The following LAMA4 variants were observed in gnomAD, a reference collection of about 807,000 sequenced individuals.
LAMA4 encodes the protein laminin subunit alpha 4, also known as laminin subunit alpha-4.
LAMA4 carries 127 observed loss-of-function variants against 207.1 expected under a neutral mutation model. That is an observed-to-expected ratio of 0.61 (90% confidence interval 0.53 to 0.71). The LOEUF (loss-of-function observed/expected upper bound fraction) is 0.71, where lower values mean the gene tolerates loss of function less well. Among genes scored for constraint, LAMA4 ranks in the 30% least tolerant of loss-of-function variants. The pLI is 0.00. For synonymous variants in LAMA4, 761 were observed against 816.0 expected (o/e 0.93, Z 1.15); for missense variants, 2,093 against 2,246.5 (o/e 0.93, Z 1.38).
chr6:112,155,633 C>T lies in LAMA4; in HGVS notation c.1891G>A (p.Val631Ile), dbSNP rs1554336744. 6.2e-7 allele frequency: 1 copy of T among 1,614,060 alleles called. No individual in the cohort carries two copies. The highest frequency in any genetic ancestry group is 1.7e-5 in the Admixed American group (1 of 60,028). ...LDASNVYENIVNYVSEANETA... is the reference protein window; with the variant it reads ...LDASNVYENIINYVSEANETA... ...TCATTGGCTTCACTAACATAATTAA[C>T]AATATTTTCATAGACATTTGATGCA... Residue 631 changes from valine (V) to isoleucine (I), a missense_variant, in exon 15 of 39, where the codon GTT becomes ATT. Val to Ile is a conservative substitution (Grantham distance 29). Around this residue, in one of 3 missense-constraint regions of LAMA4, gnomAD observed 1,704 missense variants for 1,788.4 expected, o/e 0.95. Transcript: ENST00000230538.
chr6:112,219,411 G>A (rs1278653682), intron 2 of LAMA4: 1 of 152,178 alleles, frequency 6.6e-6, no homozygotes, highest in Non-Finnish European at 1.5e-5. Context: ...GAGAGTAAGA[G>A]AGGAAGCCTT....
intron 6 of LAMA4, among the ~76,000 whole-genome samples, chr6:112,190,311 C>T (rs1047582729): frequency 7.9e-5 from 12 of 152,218 alleles, no homozygotes; most frequent in Admixed American, 5.2e-4. Flanking sequence ...AGTGCTCCTT[C>T]CTTTCTGCTG....
rs563010073 is a variant in LAMA4, at chr6:112,241,949, C to A, written c.195+12007G>T. Among the ~76,000 whole-genome samples the A allele has an allele frequency of 4.6e-5, 7 of 152,312 alleles. No individual in the cohort carries two copies. In the East Asian group the frequency reaches 1.4e-3, roughly 29 times the overall value. ...GGACACAGACTGCACTCCTCACTCC[C>A]TGAAGACACATCCTGAATCAGAATG... On this transcript the variant is annotated intron_variant, in intron 2 of 38. Coordinates refer to ENST00000230538, the MANE Select transcript of LAMA4 (RefSeq NM_001105206.3).
intron 11 of LAMA4, among the ~76,000 whole-genome samples, chr6:112,173,031 T>C (rs977581307): frequency 6.6e-6 from 1 of 152,228 alleles, no homozygotes; most frequent in Non-Finnish European, 1.5e-5. Context: ...AAGGGTTTGA[T>C]TAGTTTTCCC....
intron 5 of LAMA4, among the ~76,000 whole-genome samples, chr6:112,194,520 C>G (rs567744204): frequency 1.3e-5 from 2 of 152,128 alleles, no homozygotes; most frequent in East Asian, 3.9e-4. Context: ...AACTCTGGAC[C>G]CTATGGATTT....
chr6:112,182,229 C>T lies in LAMA4; in HGVS notation c.1077+3008G>A, dbSNP rs572348047. Among the ~76,000 whole-genome samples the T allele has an allele frequency of 8.5e-5, 13 of 152,220 alleles. No individual in the cohort carries two copies. The South Asian group carries it at 2.7e-3, about 32-fold the overall frequency. ...GATTGGTTCCAGGACCCCACAGATA[C>T]CAAAATTCATGGTTGTTCAAGTTTC... On this transcript the variant is annotated intron_variant, in intron 9 of 38. Transcript: ENST00000230538.
Position 112,129,026 on chromosome 6 carries a change from C to A in LAMA4, c.4183G>T (p.Val1395Phe), listed in dbSNP as rs782627670. The A allele has an allele frequency of 6.2e-7, 1 of 1,612,940 alleles. No homozygotes were observed. The highest frequency in any genetic ancestry group is 2.2e-5 in the East Asian group (1 of 44,822). ...GGACACTCATAAAGAGAAGTGTGGACCTTTTCAGTATACCGTTGGAAATCT... is the reference window on the plus strand; with the variant it reads ...GGACACTCATAAAGAGAAGTGTGGAACTTTTCAGTATACCGTTGGAAATCT... ...VEDFQRYTEKVHTSLYECPIE... is the reference protein window; with the variant it reads ...VEDFQRYTEKFHTSLYECPIE... The change falls in exon 31 of 39, where the codon GTC becomes TTC. Residue 1395 changes from valine to phenylalanine, a missense_variant. Physicochemically the swap from Val to Phe is conservative, Grantham distance 50. Coordinates refer to ENST00000230538, the MANE Select transcript of LAMA4 (RefSeq NM_001105206.3).
In LAMA4 at chr6:112,118,009, A is replaced by G. The variant is rs1468282728; in HGVS notation, c.4822-111T>C. 7 of 858,662 alleles carry G rather than the reference A, an allele frequency of 8.2e-6. No individual in the cohort carries two copies. Among genetic ancestry groups the G allele is most frequent in the Admixed American group, 3.9e-5 (2 of 51,342 alleles). The allele number at this position is 858,662 out of a possible 1,614,324, so 53.2% of individuals were successfully genotyped here. A position where few individuals can be genotyped will look rare whatever the true frequency, so the allele number is the denominator to read the frequency against. On this transcript the variant is annotated intron_variant, in intron 34 of 38. Coordinates refer to ENST00000230538, the MANE Select transcript of LAMA4 (RefSeq NM_001105206.3). The surrounding 1 kb of genome is among the most constrained non-coding windows in gnomAD (Gnocchi z 4.6). ...AGGAACCCACGTAATTCCTTGTTTC[A>G]TTTATTTCAGATATCTGAATGATCA...
At chr6:112,186,826 T>G (rs373967029) in intron 8 of LAMA4, 3 of 454,494 alleles carry the variant, frequency 6.6e-6, no homozygotes, top group South Asian at 1.6e-5. Context: ...CCTGTGGATA[T>G]GGAGGGCCAA....
rs146860379 is a variant in LAMA4 at position 112,118,689 on chromosome 6, T to C, written c.4821+467A>G. Among the ~76,000 whole-genome samples, 1 of 148,810 alleles carries C rather than the reference T, an allele frequency of 6.7e-6. No individual in the cohort carries two copies. Among genetic ancestry groups the C allele is most frequent in the East Asian group, 2.0e-4 (1 of 5,026 alleles). On this transcript the variant is annotated intron_variant, in intron 34 of 38. Coordinates refer to ENST00000230538, the MANE Select transcript of LAMA4 (RefSeq NM_001105206.3). This position sits in a 1 kb window ranked among gnomAD's most constrained non-coding sequence, Gnocchi z 4.6. ...TCTCCCCAGGGCAACCACATTTCCT[T>C]ATACATTTACAAATTGTGTGTGTGT...
Position 112,185,362 on chromosome 6 carries a change from G to C in LAMA4, c.967-15C>G, listed in dbSNP as rs375041786. 88 of 1,479,524 alleles carry C rather than the reference G, an allele frequency of 5.9e-5. No homozygotes were observed. In the African/African-American group the frequency reaches 1.1e-3, roughly 18 times the overall value. The allele number at this position is 1,479,524 out of a possible 1,614,324, so 91.6% of individuals were successfully genotyped here. On this transcript the variant is annotated splice_polypyrimidine_tract_variant and intron_variant, in intron 8 of 38. Transcript: ENST00000230538. ...GACAATTTTGTCTGCAGAAGAATGT[G>C]TTTTGAGAATAGTCAATGGGCACAC...
intron 10 of LAMA4, among the ~76,000 whole-genome samples, chr6:112,176,800 G>A (rs1168582388): frequency 1.3e-5 from 2 of 152,164 alleles, no homozygotes; most frequent in Admixed American, 6.5e-5. Flanking sequence ...GGTTTTTGGA[G>A]ACGATTCACA....
rs782482637 is a variant in LAMA4 at position 112,141,509 on chromosome 6, A to G, written c.2668-6T>C. On this transcript the variant is annotated splice_polypyrimidine_tract_variant and splice_region_variant and intron_variant, in intron 20 of 38. Transcript: ENST00000230538. ...CCCATATACTCTTTTTTGGCCTGAA[A>G]TATCAAGAAGTAAGAAGTCATTTAA... The G allele has an allele frequency of 1.9e-6, 3 of 1,581,950 alleles. No individual in the cohort carries two copies. Among genetic ancestry groups the G allele is most frequent in the South Asian group, 2.2e-5 (2 of 90,388 alleles).
chr6:112,195,300 C>T (rs1355688674), intron 5 of LAMA4, among the ~76,000 whole-genome samples: 1 of 152,152 alleles, frequency 6.6e-6, no homozygotes, highest in Non-Finnish European at 1.5e-5. Context: ...TTATGAAAGA[C>T]TGAGAAATAA....
rs782245629 is a variant in LAMA4 at position 112,129,042 on chromosome 6, T to C, written c.4167A>G (p.Gln1389=). The C allele has an allele frequency of 1.2e-6, 2 of 1,612,778 alleles. No individual in the cohort carries two copies. Among genetic ancestry groups the C allele is most frequent in the Non-Finnish European group, 1.7e-6 (2 of 1,178,898 alleles). Residue 1389 remains glutamine (Q), a synonymous_variant, in exon 31 of 39, where the codon CAA becomes CAG. Coordinates refer to ENST00000230538, the MANE Select transcript of LAMA4 (RefSeq NM_001105206.3). Reference sequence around the variant, plus strand: ...AAGTGTGGACCTTTTCAGTATACCGTTGGAAATCTTCAACCTCCACATCTC... The same window carrying C: ...AAGTGTGGACCTTTTCAGTATACCGCTGGAAATCTTCAACCTCCACATCTC... The part of the protein sequence containing the change: ...VDRDVEVEDF[Q]RYTEKVHTSL...
At chr6:112,213,447 G>A (rs1296685599) in intron 3 of LAMA4, 6 of 152,064 alleles carry the variant, frequency 3.9e-5, no homozygotes, top group South Asian at 4.1e-4. Flanking sequence ...CTGCCTTTGG[G>A]GCCCCACCGA....
intron 16 of LAMA4, among the ~76,000 whole-genome samples, chr6:112,154,283 C>T (rs1383908971): frequency 6.7e-6 from 1 of 150,216 alleles, no homozygotes; most frequent in Admixed American, 6.7e-5. Flanking sequence ...CAAACACTGG[C>T]CTTTGGAAAT....
intron 14 of LAMA4, among the ~76,000 whole-genome samples, chr6:112,156,907 C>T (rs1297702019): frequency 6.7e-6 from 1 of 149,682 alleles, no homozygotes; most frequent in African/African-American, 2.5e-5. Context: ...CTGACTCATC[C>T]ATTAGGCACA....
At chr6:112,220,583 A>G (rs1784869510) in intron 2 of LAMA4, among the ~76,000 whole-genome samples, 1 of 152,160 alleles carries the variant, frequency 6.6e-6, no homozygotes, top group Admixed American at 6.5e-5. Flanking sequence ...TCATAATATT[A>G]TTTATTTCAT....
Sources: allele counts gnomAD v4.1 joint callset (sites outside exome capture counted in the v4.1 genomes callset), GRCh38; gene constraint gnomAD v4.1.1; regional missense constraint gnomAD v4.1.1; non-coding constraint Gnocchi (gnomAD v3.1); transcripts MANE v1.5; gene names NCBI Gene and HGNC (gene_info 2026-07-23, HGNC 2026-07-21).